The following PCDH7 variants were observed in gnomAD, a reference collection of about 807,000 sequenced individuals.
PCDH7 encodes the protein protocadherin 7.
In PCDH7, 17 loss-of-function variants were observed where a neutral mutation model predicts 58.9. The ratio of observed to expected loss-of-function variants is 0.29; its 90% CI spans 0.20 to 0.43. PCDH7 has a LOEUF of 0.43. PCDH7 is among the 20% of genes least tolerant of loss of function. The pLI is 1.00. For missense variants in PCDH7, 1,274 were observed against 1,441.0 expected (o/e 0.88, Z 1.88); for synonymous variants, 664 against 616.4 (o/e 1.08, Z -1.14).
At chr4:30,899,226 A>G (rs1739874928) in intron 1 of PCDH7, among the ~76,000 whole-genome samples, 1 of 152,142 alleles carries the variant, frequency 6.6e-6, no homozygotes, top group African/African-American at 2.4e-5. Flanking sequence ...TGCAAATTCT[A>G]AAATATTCCT....
chr4:30,862,186 A>G (rs758418307), intron 1 of PCDH7, among the ~76,000 whole-genome samples: 2 of 152,186 alleles, frequency 1.3e-5, no homozygotes, highest in South Asian at 2.1e-4. Context: ...ATAAACGATA[A>G]TAAGGTGTTG....
intron 1 of PCDH7, among the ~76,000 whole-genome samples, chr4:30,829,675 A>G (rs1483283493): frequency 1.3e-5 from 2 of 152,108 alleles, no homozygotes; most frequent in East Asian, 3.9e-4. Context: ...ATTATTTTAA[A>G]CAGATAAGAC....
At chr4:31,027,756 G>C (rs182875292) in intron 3 of PCDH7, among the ~76,000 whole-genome samples, 7 of 152,082 alleles carry the variant, frequency 4.6e-5, no homozygotes, top group Non-Finnish European at 1.0e-4. Flanking sequence ...ATTTATATAT[G>C]CTTTCCTATA....
chr4:30,776,514 T>C (rs1326521358), intron 1 of PCDH7, among the ~76,000 whole-genome samples: 1 of 152,228 alleles, frequency 6.6e-6, no homozygotes, highest in East Asian at 1.9e-4. Context: ...GACAGTTTTG[T>C]CAAAGATTCC....
chr4:30,795,517 T>G (rs958560953), intron 1 of PCDH7, among the ~76,000 whole-genome samples: 5 of 152,214 alleles, frequency 3.3e-5, no homozygotes, highest in African/African-American at 9.6e-5. Flanking sequence ...TTGGTCTCAG[T>G]GCAAAGCGAA....
At chr4:30,741,960 T>C (rs1364007948) in intron 1 of PCDH7, among the ~76,000 whole-genome samples, 2 of 152,168 alleles carry the variant, frequency 1.3e-5, no homozygotes, top group Non-Finnish European at 2.9e-5. Flanking sequence ...CTTCATGAAA[T>C]TTATGATTTG....
intron 3 of PCDH7, among the ~76,000 whole-genome samples, chr4:31,064,794 T>C (rs1323449805): frequency 1.3e-5 from 2 of 152,032 alleles, no homozygotes; most frequent in Non-Finnish European, 2.9e-5. Flanking sequence ...AACAGCAAAT[T>C]ATGAGATACT....
At chr4:30,770,281 A>G (rs942167088) in intron 1 of PCDH7, among the ~76,000 whole-genome samples, 3 of 152,230 alleles carry the variant, frequency 2.0e-5, no homozygotes, top group African/African-American at 7.2e-5. Flanking sequence ...TTGTCCTCAC[A>G]TGAAATAGTC....
At chr4:30,892,649 G>T (rs866924999) in intron 1 of PCDH7, among the ~76,000 whole-genome samples, 2 of 151,974 alleles carry the variant, frequency 1.3e-5, no homozygotes, top group South Asian at 4.2e-4. Context: ...TTTCCTTGAT[G>T]AATTTAAATA....
chr4:30,778,585 A>G (rs1203550201), intron 1 of PCDH7, among the ~76,000 whole-genome samples: 1 of 152,132 alleles, frequency 6.6e-6, no homozygotes, highest in Non-Finnish European at 1.5e-5. Context: ...TCACACAGAA[A>G]CTTTACTACA....
intron 2 of PCDH7, among the ~76,000 whole-genome samples, chr4:30,943,411 G>A (rs751073070): frequency 6.6e-6 from 1 of 152,118 alleles, no homozygotes; most frequent in African/African-American, 2.4e-5. Context: ...TCACCAGTGA[G>A]CAAACTAAGG....
rs148389686 is a variant in PCDH7, at chr4:31,057,875, T to C, written c.*8-84598T>C. ...ACTCTCTTAAAGAGGAGACAAAACA[T>C]GTACCTGGAATATGTACATATTCTT... On this transcript the variant is annotated intron_variant, in intron 3 of 3. Coordinates refer to the PCDH7 transcript ENST00000509759. Among the ~76,000 whole-genome samples the C allele has an allele frequency of 2.0e-3, 310 of 152,188 alleles. 1 individual carries two copies. Among genetic ancestry groups the C allele is most frequent in the African/African-American group, 6.9e-3 (287 of 41,534 alleles).
intron 3 of PCDH7, among the ~76,000 whole-genome samples, chr4:30,992,209 T>C (rs1054726566): frequency 1.1e-4 from 17 of 152,336 alleles, no homozygotes; most frequent in Admixed American, 7.8e-4. Flanking sequence ...TATCAGCATG[T>C]CAGGTAGTCT....
intron 3 of PCDH7, among the ~76,000 whole-genome samples, chr4:31,051,543 T>A (rs528733120): frequency 6.6e-6 from 1 of 152,310 alleles, no homozygotes; most frequent in African/African-American, 2.4e-5. Flanking sequence ...TAGTTAGAAG[T>A]TGCCATTCTA....
chr4:30,920,412 A>T (rs1199066845), intron 2 of PCDH7, 43 bp downstream of exon 2: 2 of 1,314,422 alleles, frequency 1.5e-6, no homozygotes. Flanking sequence ...CACGCTAGTG[A>T]GCCGTAATAA....
chr4:31,063,567 A>G (rs1757856523), intron 3 of PCDH7, among the ~76,000 whole-genome samples: 1 of 151,846 alleles, frequency 6.6e-6, no homozygotes, highest in South Asian at 2.1e-4. Flanking sequence ...ACATTTGAGA[A>G]AACTCATCCC....
chr4:30,823,653 G>C (rs1481227098), intron 1 of PCDH7, among the ~76,000 whole-genome samples: 1 of 151,998 alleles, frequency 6.6e-6, no homozygotes, highest in Admixed American at 6.6e-5. Context: ...AATATGAGAC[G>C]CTTCTTGAAA....
At chr4:30,920,056 G>A (rs1480034886) in intron 1 of PCDH7, 97 bp from the exon 2 acceptor site, 2 of 817,022 alleles carry the variant, frequency 2.4e-6, no homozygotes, top group African/African-American at 1.8e-5. Flanking sequence ...TGAATTAGTT[G>A]CCAGTAGACC....
chr4:31,061,099 T>C (rs1333959141), intron 3 of PCDH7, among the ~76,000 whole-genome samples: 18 of 151,786 alleles, frequency 1.2e-4, no homozygotes, highest in Admixed American at 9.9e-4. Flanking sequence ...TTTACTGACT[T>C]CATTTATTGT....
Sources: allele counts gnomAD v4.1 joint callset (sites outside exome capture counted in the v4.1 genomes callset), GRCh38; gene constraint gnomAD v4.1.1; transcripts MANE v1.5; gene names NCBI Gene and HGNC (gene_info 2026-07-23, HGNC 2026-07-21).